The following FSIP1 variants were observed in gnomAD, a reference collection of about 807,000 sequenced individuals.
The protein encoded by FSIP1 is fibrous sheath-interacting protein 1.
Under a neutral mutation model 60.9 loss-of-function variants are expected in FSIP1, and 65 were observed. The observed-to-expected ratio is 1.07, with a 90% confidence interval of 0.87 to 1.31. The LOEUF (loss-of-function observed/expected upper bound fraction) is 1.31, where lower values mean the gene tolerates loss of function less well. Ranked by LOEUF, FSIP1 falls within the 40% of genes most tolerant of loss-of-function variation. The pLI is 0.00. For missense variants in FSIP1, 675 were observed against 665.5 expected (o/e 1.01, Z -0.16); for synonymous variants, 209 against 221.2 (o/e 0.94, Z 0.49).
At chr15:39,638,760 CAA>C (rs993155614) in intron 10 of FSIP1, among the ~76,000 whole-genome samples, 2 of 151,778 alleles carry the variant, frequency 1.3e-5, no homozygotes, top group African/African-American at 4.8e-5. Flanking sequence ...AACAGGGAAC[CAA>C]AGAGACTATA....
intron 10 of FSIP1, among the ~76,000 whole-genome samples, chr15:39,676,172 C>CAAA (rs11369072): frequency 0.51 from 57,617 of 112,112 alleles, 16,633 homozygotes; most frequent in Middle Eastern, 0.65. Context: ...GACTCCATCT[C>CAAA]AAAAAAAAAA....
intron 5 of FSIP1, among the ~76,000 whole-genome samples, chr15:39,763,521 C>T (rs1314436758): frequency 6.6e-6 from 1 of 152,082 alleles, no homozygotes; most frequent in Non-Finnish European, 1.5e-5. Flanking sequence ...AAAGTGGGGT[C>T]TAAAGACACC....
chr15:39,708,494 T>C (rs773422079), intron 10 of FSIP1, among the ~76,000 whole-genome samples: 3 of 152,220 alleles, frequency 2.0e-5, no homozygotes, highest in African/African-American at 4.8e-5. Flanking sequence ...TCCTCCACTA[T>C]AAAGAATCAA....
intron 10 of FSIP1, among the ~76,000 whole-genome samples, chr15:39,634,663 C>A (rs1288706167): frequency 1.3e-5 from 2 of 152,236 alleles, no homozygotes; most frequent in African/African-American, 4.8e-5. Flanking sequence ...CTTCACCACA[C>A]TAGCATGTGG....
chr15:39,713,369 C>G, intron 10 of FSIP1, 75 bp downstream of exon 10: 1 of 1,393,262 alleles, frequency 7.2e-7, no homozygotes, highest in Non-Finnish European at 9.6e-7. Flanking sequence ...AAGTTCGAGA[C>G]CAGCCTGGGC....
chr15:39,614,131 G>T (rs1891131980), intron 11 of FSIP1, among the ~76,000 whole-genome samples: 1 of 151,866 alleles, frequency 6.6e-6, no homozygotes, highest in South Asian at 2.1e-4. Flanking sequence ...ATGAAGAAAT[G>T]AAACTATCTC....
chr15:39,636,634 A>C (rs1892151012), intron 10 of FSIP1, among the ~76,000 whole-genome samples: 1 of 152,112 alleles, frequency 6.6e-6, no homozygotes, highest in South Asian at 2.1e-4. Context: ...ACCAAATCCT[A>C]CCATATCCCC....
At chr15:39,771,753 C>T (rs532233525) in intron 2 of FSIP1, among the ~76,000 whole-genome samples, 2 of 152,304 alleles carry the variant, frequency 1.3e-5, no homozygotes, top group South Asian at 2.1e-4. Flanking sequence ...ATAGTGTCTA[C>T]TTTATGTAAT....
At position 39,617,793 on chromosome 15, in the gene FSIP1, C is replaced by A; in HGVS notation, c.1641G>T (p.Val547=). 1 of 1,614,094 alleles carries A rather than the reference C, an allele frequency of 6.2e-7. No homozygotes were observed. The highest frequency in any genetic ancestry group is 8.5e-7 in the Non-Finnish European group (1 of 1,179,946). Residue 547 remains valine, a synonymous_variant, in exon 11 of 12, where the codon GTG becomes GTT. Transcript: ENST00000350221. ...GATGTTGGTCTTCTGATGAAAGGCT[C>A]ACACTGATACCATACAGTGGATCAT... ...FLDDPLYGIS[V]SLSSEDQHLK... is the part of the protein sequence containing the mutation.
intron 1 of FSIP1, among the ~76,000 whole-genome samples, chr15:39,777,316 G>C (rs570709695): frequency 1.2e-3 from 186 of 152,128 alleles, no homozygotes; most frequent in Non-Finnish European, 2.5e-3. Flanking sequence ...CATTTTCATG[G>C]AGTACCTATC....
intron 2 of FSIP1, among the ~76,000 whole-genome samples, chr15:39,776,058 C>T (rs1212696254): frequency 7.1e-6 from 1 of 141,126 alleles, no homozygotes; most frequent in East Asian, 2.1e-4. Flanking sequence ...AGTCGATACA[C>T]AAGTTTTAAC....
intron 10 of FSIP1, among the ~76,000 whole-genome samples, chr15:39,693,865 C>T (rs1894705037): frequency 1.3e-5 from 2 of 152,076 alleles, no homozygotes; most frequent in Non-Finnish European, 2.9e-5. Context: ...AGCTATGCCA[C>T]CTGCCTCTAA....
intron 10 of FSIP1, among the ~76,000 whole-genome samples, chr15:39,662,752 T>C (rs1893351130): frequency 6.6e-6 from 1 of 151,838 alleles, no homozygotes; most frequent in Non-Finnish European, 1.5e-5. Context: ...TAATGCTTTG[T>C]ATTAACTTTA....
rs559114465 is a variant in FSIP1 at position 39,726,763 on chromosome 15, G to A, written c.892-16C>T. 6.2e-6 allele frequency: 10 copies of A among 1,609,388 alleles called. No homozygotes were observed. The highest frequency in any genetic ancestry group is 2.2e-5 in the East Asian group (1 of 44,810). ...ACTGATCACCCTAAGAGGAAACAAG[G>A]GTCACCAGGTCATTCTCAGGCTATA... is the stretch of plus-strand genomic sequence containing the variant. On this transcript the variant is annotated splice_polypyrimidine_tract_variant and intron_variant, in intron 8 of 11. Transcript: ENST00000350221.
intron 11 of FSIP1, among the ~76,000 whole-genome samples, chr15:39,615,555 C>T (rs552314487): frequency 1.3e-5 from 2 of 151,592 alleles, no homozygotes; most frequent in Non-Finnish European, 2.9e-5. Flanking sequence ...AAAATCAAAA[C>T]GAGATGCTAC....
At chr15:39,617,614 T>C (rs577264599) in intron 11 of FSIP1, 121 bp downstream of exon 11, 5 of 794,808 alleles carry the variant, frequency 6.3e-6, no homozygotes, top group African/African-American at 5.2e-5. Context: ...CATACTCTTA[T>C]TGACGCTACC....
In FSIP1 at chr15:39,763,866, T is replaced by C. The variant is rs1897588300; in HGVS notation, c.514A>G (p.Thr172Ala). The C allele has an allele frequency of 6.2e-7, 1 of 1,602,256 alleles. No individual in the cohort carries two copies. The highest frequency in any genetic ancestry group is 1.3e-5 in the African/African-American group (1 of 74,676). Residue 172 changes from threonine (T) to alanine (A), a missense_variant, in exon 5 of 12, where the codon ACA (threonine) becomes GCA (alanine). Transcript: ENST00000350221. ...GCAGTCAAAGATAAAAATTTTTTTG[T>C]ATTTTCCATCTCCTCTTTACTTTGC... ...AWQSKEEMEN[T>A]KKFLSLTAVS...
intron 5 of FSIP1, among the ~76,000 whole-genome samples, chr15:39,745,577 G>A (rs1453940534): frequency 6.6e-6 from 1 of 152,150 alleles, no homozygotes; most frequent in Non-Finnish European, 1.5e-5. Flanking sequence ...AGAGTCCCAG[G>A]TGGGAACACA....
intron 10 of FSIP1, among the ~76,000 whole-genome samples, chr15:39,651,346 A>G (rs1002067068): frequency 1.3e-5 from 2 of 152,248 alleles, no homozygotes; most frequent in African/African-American, 4.8e-5. Context: ...TGTGACATTG[A>G]TGTGATTTTC....
Sources: gnomAD v4.1 joint callset for allele counts (sites outside exome capture counted in the v4.1 genomes callset) on GRCh38, gnomAD v4.1.1 for gene constraint, MANE v1.5 for transcripts, NCBI Gene and HGNC (gene_info 2026-07-23, HGNC 2026-07-21) for gene names.